ASAP2: variants seen among roughly 807,000 people sequenced by gnomAD.
The protein encoded by ASAP2 is arf-GAP with SH3 domain, ANK repeat and PH domain-containing protein 2.
In ASAP2, 45 loss-of-function variants were observed where a neutral mutation model predicts 131.4. The ratio of observed to expected loss-of-function variants is 0.34; its 90% CI spans 0.27 to 0.44. ASAP2 has a LOEUF of 0.44. Ranked by LOEUF, ASAP2 falls within the 20% of genes least tolerant of loss-of-function variation. ASAP2 has a pLI of 1.00. For missense variants in ASAP2, 1,011 were observed against 1,297.0 expected, an observed-to-expected ratio of 0.78 and a Z score of 3.39; for synonymous variants, 510 against 503.0, an observed-to-expected ratio of 1.01 and a Z score of -0.19.
At chr2:9,316,281 C>T (rs914290856) in intron 3 of ASAP2, among the ~76,000 whole-genome samples, 1 of 151,286 alleles carries the variant, frequency 6.6e-6, no homozygotes, top group African/African-American at 2.4e-5. Context: ...CCAACCTGGG[C>T]GACACAGTGA....
At chr2:9,333,820 G>A (rs1364338650) in intron 7 of ASAP2, among the ~76,000 whole-genome samples, 2 of 152,146 alleles carry the variant, frequency 1.3e-5, no homozygotes, top group Non-Finnish European at 2.9e-5. Flanking sequence ...GGCTCCAGCA[G>A]AAAAACTTGT....
intron 1 of ASAP2, among the ~76,000 whole-genome samples, chr2:9,237,219 G>T (rs938028784): frequency 6.6e-6 from 1 of 152,074 alleles, no homozygotes; most frequent in African/African-American, 2.4e-5. Flanking sequence ...GATGGTTAAT[G>T]TTGCTTTCTG....
intron 18 of ASAP2, among the ~76,000 whole-genome samples, chr2:9,377,388 A>G (rs769540606): frequency 6.6e-6 from 1 of 152,246 alleles, no homozygotes; most frequent in Non-Finnish European, 1.5e-5. Context: ...AGGGATCCAC[A>G]CATTAGCCAT....
chr2:9,301,693 A>G (rs940106011), intron 3 of ASAP2, among the ~76,000 whole-genome samples: 4 of 152,324 alleles, frequency 2.6e-5, no homozygotes, highest in East Asian at 1.9e-4. Context: ...GCAGGAGCCA[A>G]TGGGTGCTGA....
chr2:9,372,856 G>A (rs528050533), intron 16 of ASAP2, among the ~76,000 whole-genome samples: 2 of 152,254 alleles, frequency 1.3e-5, no homozygotes, highest in Admixed American at 6.5e-5. Flanking sequence ...GCAGTTAGCC[G>A]AACGTGCACA....
intron 18 of ASAP2, among the ~76,000 whole-genome samples, chr2:9,377,401 T>C (rs1300950916): frequency 2.0e-5 from 3 of 152,220 alleles, no homozygotes; most frequent in Admixed American, 6.5e-5. Flanking sequence ...TTAGCCATGG[T>C]CTGAGCCAGA....
intron 3 of ASAP2, among the ~76,000 whole-genome samples, chr2:9,317,409 C>T (rs1669804420): frequency 7.0e-6 from 1 of 143,110 alleles, no homozygotes; most frequent in Admixed American, 7.3e-5. Flanking sequence ...CAAACACACA[C>T]ATGCTCCCTC....
chr2:9,340,180 G>A (rs1671488380), intron 9 of ASAP2, among the ~76,000 whole-genome samples: 1 of 152,148 alleles, frequency 6.6e-6, no homozygotes, highest in Non-Finnish European at 1.5e-5. Flanking sequence ...GCGCCACCAC[G>A]CCTGGCTAAT....
At chr2:9,296,535 G>GT (rs1668162322) in intron 2 of ASAP2, among the ~76,000 whole-genome samples, 3 of 152,248 alleles carry the variant, frequency 2.0e-5, no homozygotes, top group Non-Finnish European at 2.9e-5. Context: ...CACCTGGTAT[G>GT]TTTTTTCTGC....
In ASAP2 at chr2:9,207,462, C is replaced by G. The variant is rs891896556; in HGVS notation, c.126+232C>G. The stretch of plus-strand genomic sequence containing the variant: ...TCCCCTCTCTCGGCCTCGTGGCCCT[C>G]GCGGGGTTCCGCGGCCTGGTCTTTT... On this transcript the variant is annotated intron_variant, in intron 1 of 27. Transcript: ENST00000281419. This position sits in a 1 kb window ranked among gnomAD's most constrained non-coding sequence, Gnocchi z 4.1. Among the ~76,000 whole-genome samples, 1 of 152,150 alleles carries G rather than the reference C, an allele frequency of 6.6e-6. No homozygotes were observed. The highest frequency in any genetic ancestry group is 6.5e-5 in the Admixed American group (1 of 15,290).
chr2:9,330,919 AGT>A (rs796228312), intron 7 of ASAP2, among the ~76,000 whole-genome samples: 1 of 152,316 alleles, frequency 6.6e-6, no homozygotes, highest in African/African-American at 2.4e-5. Context: ...TATGAGAGAG[AGT>A]GTGTACGCTG....
chr2:9,345,618 C>G (rs1481255867), intron 11 of ASAP2, among the ~76,000 whole-genome samples: 2 of 152,050 alleles, frequency 1.3e-5, no homozygotes, highest in Non-Finnish European at 1.5e-5. Flanking sequence ...TAGAGAGATG[C>G]TGAGGGTTGT....
intron 21 of ASAP2, among the ~76,000 whole-genome samples, chr2:9,387,735 G>A (rs1033320777): frequency 6.6e-6 from 1 of 152,110 alleles, no homozygotes; most frequent in Non-Finnish European, 1.5e-5. Context: ...AGATTTTTTG[G>A]TATGTGTGTG....
intron 15 of ASAP2, among the ~76,000 whole-genome samples, chr2:9,359,376 C>G (rs1672942163): frequency 6.6e-6 from 1 of 152,218 alleles, no homozygotes; most frequent in Non-Finnish European, 1.5e-5. Flanking sequence ...TTTCTTAAGT[C>G]TTTCATTCTT....
chr2:9,286,733 G>T (rs1667494930), intron 2 of ASAP2, among the ~76,000 whole-genome samples: 1 of 152,136 alleles, frequency 6.6e-6, no homozygotes, highest in African/African-American at 2.4e-5. Flanking sequence ...GCTGAATTAG[G>T]ATTTAGCTGC....
At chr2:9,240,378 C>G (rs1663878493) in intron 1 of ASAP2, among the ~76,000 whole-genome samples, 1 of 151,818 alleles carries the variant, frequency 6.6e-6, no homozygotes, top group South Asian at 2.1e-4. Context: ...ATCCACCTCC[C>G]CGGTAGCTGG....
At chr2:9,254,753 TCAGG>T (rs1164007750) in intron 1 of ASAP2, among the ~76,000 whole-genome samples, 2 of 152,010 alleles carry the variant, frequency 1.3e-5, no homozygotes, top group African/African-American at 4.8e-5. Flanking sequence ...CTGTCTGGTT[TCAGG>T]CATCCACTGG....
At chr2:9,313,113 G>A (rs898349712) in intron 3 of ASAP2, among the ~76,000 whole-genome samples, 1 of 152,076 alleles carries the variant, frequency 6.6e-6, no homozygotes, top group Admixed American at 6.5e-5. Flanking sequence ...TGCCCACTAG[G>A]CTGCGGGCCC....
rs1275328284 is a variant in ASAP2, at chr2:9,405,502, T to C, written c.*2175T>C. 4 of 152,650 alleles carry C rather than the reference T, an allele frequency of 2.6e-5. No individual in the cohort carries two copies. The highest frequency in any genetic ancestry group is 4.1e-4 in the South Asian group (2 of 4,834). The allele number at this position is 152,650 out of a possible 1,614,324, so 9.5% of individuals were successfully genotyped here. The stretch of plus-strand genomic sequence containing the variant: ...GGATGCTATTTTGAGATGTATGATA[T>C]TCAGTTCATTCACCTGATTACTTTG... On this transcript the variant is annotated 3_prime_UTR_variant, in exon 28 of 28. Transcript: ENST00000281419.
Sources: allele counts gnomAD v4.1 joint callset (sites outside exome capture counted in the v4.1 genomes callset), GRCh38; gene constraint gnomAD v4.1.1; non-coding constraint Gnocchi (gnomAD v3.1); transcripts MANE v1.5; gene names NCBI Gene and HGNC (gene_info 2026-07-23, HGNC 2026-07-21).